PEAK1: variants seen among roughly 807,000 people sequenced by gnomAD.
The protein encoded by PEAK1 is inactive tyrosine-protein kinase PEAK1.
A neutral mutation model predicts 124.7 loss-of-function variants in PEAK1; 54 were observed. That is an observed-to-expected ratio of 0.43 (90% CI 0.35 to 0.54). The LOEUF (loss-of-function observed/expected upper bound fraction) is 0.54, where lower values mean the gene tolerates loss of function less well. PEAK1 is among the 20% of genes least tolerant of loss of function. The pLI, the probability that PEAK1 is intolerant of heterozygous loss-of-function variation, is 0.01. For synonymous variants in PEAK1, 719 were observed against 760.0 expected, an observed-to-expected ratio of 0.95 and a Z score of 0.89; for missense variants, 2,046 against 2,134.5, an observed-to-expected ratio of 0.96 and a Z score of 0.82.
At chr15:77,346,912 C>T in intron 2 of PEAK1, 2 of 322,934 alleles carry the variant, frequency 6.2e-6, no homozygotes, top group Non-Finnish European at 8.9e-6. Flanking sequence ...AATTAGTGAT[C>T]TGGTACTAAG....
At chr15:77,294,903 A>G (rs2063406238) in intron 2 of PEAK1, among the ~76,000 whole-genome samples, 1 of 152,194 alleles carries the variant, frequency 6.6e-6, no homozygotes, top group Admixed American at 6.5e-5. Flanking sequence ...TTGCAATGAT[A>G]TGATATATAC....
intron 8 of PEAK1, among the ~76,000 whole-genome samples, chr15:77,134,265 T>C (rs773908096): frequency 1.3e-5 from 2 of 152,252 alleles, no homozygotes; most frequent in Admixed American, 6.5e-5. Context: ...CATTGTATTA[T>C]ATATAGCATT....
rs562523829 is a variant in PEAK1, at chr15:77,177,731, C to T, written c.3137+1059G>A. The T allele has an allele frequency of 1.1e-4, 17 of 152,186 alleles. No individual in the cohort carries two copies. The South Asian group carries it at 1.2e-3, about 11-fold the overall frequency. The allele number at this position is 152,186 out of a possible 1,614,324, so 9.4% of individuals were successfully genotyped here. ...AGGACAGGAAGCATAGGGAAATCAT[C>T]CTATTAGTCACAAACTTGGGATAAA... On this transcript the variant is annotated intron_variant, in intron 7 of 9. Transcript: ENST00000682557.
chr15:77,184,013 A>G (rs2152824643), intron 6 of PEAK1, among the ~76,000 whole-genome samples: 1 of 151,920 alleles, frequency 6.6e-6, no homozygotes, highest in South Asian at 2.1e-4. Context: ...TTTTTTTTAT[A>G]GAGATGGGGT....
At chr15:77,402,222 A>G (rs2071431992) in intron 1 of PEAK1, 2 of 983,854 alleles carry the variant, frequency 2.0e-6, no homozygotes, top group Non-Finnish European at 1.2e-6. Context: ...GCCTAAGTAC[A>G]ACAACAAACA....
intron 5 of PEAK1, among the ~76,000 whole-genome samples, chr15:77,270,850 T>C (rs1307354069): frequency 6.6e-6 from 1 of 151,916 alleles, no homozygotes; most frequent in Non-Finnish European, 1.5e-5. Context: ...TTTATTTCGT[T>C]GAGCAGGATG....
At chr15:77,157,987 G>T (rs934579653) in intron 8 of PEAK1, 1 of 153,400 alleles carries the variant, frequency 6.5e-6, no homozygotes, top group Non-Finnish European at 1.5e-5. Flanking sequence ...TGAAATGCAT[G>T]ACACTGGCTA....
At chr15:77,305,799 T>TA (rs1369698695) in intron 2 of PEAK1, among the ~76,000 whole-genome samples, 1 of 152,248 alleles carries the variant, frequency 6.6e-6, no homozygotes, top group Non-Finnish European at 1.5e-5. Context: ...CCGCATACTT[T>TA]AAATCATCTC....
chr15:77,139,756 T>C (rs2053621997), intron 8 of PEAK1, among the ~76,000 whole-genome samples: 1 of 152,166 alleles, frequency 6.6e-6, no homozygotes. Context: ...GTAATATTTT[T>C]ATAAGTAATA....
At chr15:77,246,802 G>A (rs1323669917) in intron 6 of PEAK1, among the ~76,000 whole-genome samples, 3 of 152,056 alleles carry the variant, frequency 2.0e-5, no homozygotes, top group African/African-American at 4.8e-5. Flanking sequence ...GGCGGATCAC[G>A]AGGTCAGGAG....
intron 6 of PEAK1, among the ~76,000 whole-genome samples, chr15:77,233,745 A>T (rs2060001299): frequency 6.6e-6 from 1 of 152,192 alleles, no homozygotes; most frequent in Admixed American, 6.5e-5. Flanking sequence ...CACACTTAAC[A>T]ACAGTTCCTT....
Position 77,262,429 on chromosome 15 carries a change from T to G in PEAK1, c.-274-9903A>C, listed in dbSNP as rs570098250. On this transcript the variant is annotated intron_variant, in intron 5 of 9. Transcript: ENST00000682557. ...GATGGAGGAAGATCTACTAAGCAAA[T>G]GGAAAACAAAAAAGGCAGGGGTTGC... 5.7e-3 allele frequency among the ~76,000 whole-genome samples: 748 copies of G among 130,626 alleles called. 6 individuals are homozygous for G. Among genetic ancestry groups the G allele is most frequent in the African/African-American group, 0.018 (646 of 35,902 alleles). The allele number at this position is 130,626 out of a possible 152,430, so 85.7% of individuals were successfully genotyped here.
intron 7 of PEAK1, among the ~76,000 whole-genome samples, chr15:77,161,265 G>T (rs916604475): frequency 6.6e-6 from 1 of 152,132 alleles, no homozygotes; most frequent in Admixed American, 6.5e-5. Context: ...GAAAAGGCTT[G>T]ATTCTGTTCC....
At chr15:77,157,888 T>C (rs1281733211) in intron 8 of PEAK1, 1 of 152,318 alleles carries the variant, frequency 6.6e-6, no homozygotes, top group African/African-American at 2.4e-5. Flanking sequence ...ATGGATGTTT[T>C]AAAAAACAAA....
At chr15:77,186,304 G>C (rs2057543818) in intron 6 of PEAK1, among the ~76,000 whole-genome samples, 1 of 152,166 alleles carries the variant, frequency 6.6e-6, no homozygotes, top group African/African-American at 2.4e-5. Context: ...TTTGTAAGTA[G>C]TACAATATAT....
chr15:77,306,105 G>A (rs1307211925), intron 2 of PEAK1, among the ~76,000 whole-genome samples: 5 of 152,178 alleles, frequency 3.3e-5, no homozygotes, highest in Non-Finnish European at 7.4e-5. Flanking sequence ...TACTAGCAAA[G>A]ATTAGTACAT....
chr15:77,303,651 T>C (rs181855446), intron 2 of PEAK1, among the ~76,000 whole-genome samples: 2 of 152,312 alleles, frequency 1.3e-5, no homozygotes, highest in Admixed American at 6.5e-5. Flanking sequence ...ATTCAAGTGT[T>C]ATATAAGTGT....
chr15:77,252,971 T>C (rs1396090600), intron 5 of PEAK1, among the ~76,000 whole-genome samples: 1 of 152,198 alleles, frequency 6.6e-6, no homozygotes, highest in African/African-American at 2.4e-5. Context: ...ACTAGCCACT[T>C]TGCAGTTTTA....
chr15:77,366,093 A>C (rs1310777691), intron 1 of PEAK1, among the ~76,000 whole-genome samples: 3 of 152,200 alleles, frequency 2.0e-5, no homozygotes, highest in African/African-American at 7.2e-5. Flanking sequence ...TAAAAATAAG[A>C]TTATAGTCAT....
Sources: allele counts gnomAD v4.1 joint callset (sites outside exome capture counted in the v4.1 genomes callset), GRCh38; gene constraint gnomAD v4.1.1; transcripts MANE v1.5; gene names NCBI Gene and HGNC (gene_info 2026-07-23, HGNC 2026-07-21).